WHRN: variants seen among roughly 807,000 people sequenced by gnomAD.
WHRN encodes the protein CASK-interacting protein CIP98.
In WHRN, 41 loss-of-function variants were observed where a neutral mutation model predicts 68.3. The ratio of observed to expected loss-of-function variants is 0.60; its 90% CI spans 0.47 to 0.78. WHRN has a LOEUF of 0.78. Among genes scored for constraint, WHRN ranks in the 30% least tolerant of loss-of-function variants. The pLI, the probability that WHRN is intolerant of heterozygous loss-of-function variation, is 0.00. For missense variants in WHRN, 1,243 were observed against 1,244.7 expected (o/e 1.00, Z 0.02); for synonymous variants, 560 against 561.3 (o/e 1.00, Z 0.03).
intron 4 of WHRN, chr9:114,425,630 C>CACACACACACACAG (rs752151116): frequency 2.1e-4 from 48 of 232,734 alleles, no homozygotes; most frequent in Middle Eastern, 1.6e-3. Context: ...CACACACACA[C>CACACACACACACAG]AGAGAGACAC....
chr9:114,433,910 G>A (rs1169436776), intron 3 of WHRN, among the ~76,000 whole-genome samples: 1 of 152,166 alleles, frequency 6.6e-6, no homozygotes, highest in East Asian at 1.9e-4. Context: ...TTCTGACATT[G>A]GCAGATCCGT....
intron 1 of WHRN, among the ~76,000 whole-genome samples, chr9:114,487,181 A>G (rs1367994046): frequency 7.1e-6 from 1 of 140,280 alleles, no homozygotes; most frequent in Non-Finnish European, 1.5e-5. Flanking sequence ...AGAGATACCA[A>G]AAAAAAATTT....
intron 3 of WHRN, among the ~76,000 whole-genome samples, chr9:114,439,132 A>C (rs1444284031): frequency 6.6e-6 from 1 of 152,228 alleles, no homozygotes; most frequent in Non-Finnish European, 1.5e-5. Context: ...GGTTGCCTTT[A>C]AGGAGCAGGT....
At position 114,426,222 on chromosome 9, in the gene WHRN, C is replaced by T. The variant is rs758965209; in HGVS notation, c.1155G>A (p.Ala385=). 9.3e-6 allele frequency: 15 copies of T among 1,612,152 alleles called. No homozygotes were observed. The highest frequency in any genetic ancestry group is 8.9e-5 in the East Asian group (4 of 44,894). ...IASSRIRETM[A]NSAGFLGDLT... ...CAGAGTGGCCAGACCCTGCCGAGTTCGCCATGGTCTCCCTGATCCGGGAAC... is the reference window on the plus strand; with the variant it reads ...CAGAGTGGCCAGACCCTGCCGAGTTTGCCATGGTCTCCCTGATCCGGGAAC... Residue 385 remains alanine (A), a synonymous_variant, in exon 4 of 12, where the codon GCG becomes GCA. Coordinates refer to ENST00000362057, the MANE Select transcript of WHRN (RefSeq NM_015404.4).
chr9:114,487,951 A>G (rs1842678656), intron 1 of WHRN, among the ~76,000 whole-genome samples: 1 of 152,206 alleles, frequency 6.6e-6, no homozygotes, highest in Non-Finnish European at 1.5e-5. Context: ...GTTTAGGCAG[A>G]TCTTGGCTCT....
intron 1 of WHRN, among the ~76,000 whole-genome samples, chr9:114,497,050 T>C (rs559096570): frequency 6.6e-6 from 1 of 152,328 alleles, no homozygotes; most frequent in African/African-American, 2.4e-5. Context: ...TGTTAATTCC[T>C]AAGCAAGCTA....
chr9:114,449,009 T>C (rs531854733), intron 3 of WHRN, among the ~76,000 whole-genome samples: 3 of 152,318 alleles, frequency 2.0e-5, no homozygotes, highest in South Asian at 4.1e-4. Flanking sequence ...TCTGTATGCA[T>C]GGTCAAGTGC....
intron 3 of WHRN, among the ~76,000 whole-genome samples, chr9:114,432,509 T>A (rs1353015424): frequency 6.6e-6 from 1 of 152,192 alleles, no homozygotes; most frequent in African/African-American, 2.4e-5. Flanking sequence ...CCAGTGGCCA[T>A]CTGGTGTGTG....
intron 3 of WHRN, among the ~76,000 whole-genome samples, chr9:114,460,572 C>G (rs989278205): frequency 4.6e-5 from 7 of 152,100 alleles, no homozygotes; most frequent in Admixed American, 4.6e-4. Context: ...ATAAGAGATC[C>G]GAAGATAAAC....
intron 3 of WHRN, among the ~76,000 whole-genome samples, chr9:114,429,417 T>C (rs541692208): frequency 6.2e-4 from 95 of 152,340 alleles, no homozygotes; most frequent in Middle Eastern, 3.4e-3. Context: ...AAACCCACAA[T>C]AGCTTTTGTG....
intron 7 of WHRN, 108 bp from the exon 8 acceptor site, chr9:114,408,126 G>A (rs754094237): frequency 1.0e-5 from 9 of 863,730 alleles, no homozygotes; most frequent in Non-Finnish European, 1.5e-5. Context: ...CCTCCATGTG[G>A]TTCATGTGAG....
chr9:114,493,886 G>A (rs191794088), intron 1 of WHRN, among the ~76,000 whole-genome samples: 4 of 152,332 alleles, frequency 2.6e-5, no homozygotes, highest in Admixed American at 1.3e-4. Flanking sequence ...GGGAGGAAAC[G>A]CACATTTACT....
At chr9:114,433,615 G>A (rs1374859924) in intron 3 of WHRN, among the ~76,000 whole-genome samples, 2 of 152,054 alleles carry the variant, frequency 1.3e-5, no homozygotes, top group African/African-American at 4.8e-5. Flanking sequence ...TTCATTACAA[G>A]TAAGCAATAC....
intron 1 of WHRN, among the ~76,000 whole-genome samples, chr9:114,499,655 C>G (rs1344226905): frequency 6.6e-6 from 1 of 152,240 alleles, no homozygotes; most frequent in African/African-American, 2.4e-5. Flanking sequence ...ACATGTGATT[C>G]AAGCTTGAGC....
At chr9:114,468,776 C>T (rs1265002556) in intron 2 of WHRN, among the ~76,000 whole-genome samples, 3 of 152,118 alleles carry the variant, frequency 2.0e-5, no homozygotes, top group South Asian at 2.1e-4. Context: ...GCAGGCTCTG[C>T]GGACACTTGG....
intron 2 of WHRN, among the ~76,000 whole-genome samples, chr9:114,471,082 G>T (rs1282557481): frequency 6.6e-6 from 1 of 152,138 alleles, no homozygotes; most frequent in Non-Finnish European, 1.5e-5. Context: ...AGGGTAATCT[G>T]CCTCTATCAC....
intron 3 of WHRN, among the ~76,000 whole-genome samples, chr9:114,453,599 G>A (rs1463426021): frequency 1.3e-5 from 2 of 151,894 alleles, no homozygotes; most frequent in African/African-American, 4.8e-5. Context: ...CACATAATAA[G>A]GGCACCTTAC....
Position 114,460,673 on chromosome 9 carries a change from C to T in WHRN, c.963+5594G>A, listed in dbSNP as rs547804837. Among the ~76,000 whole-genome samples the T allele has an allele frequency of 3.9e-5, 6 of 151,946 alleles. No individual in the cohort carries two copies. The East Asian group carries it at 1.2e-3, about 29-fold the overall frequency. On this transcript the variant is annotated intron_variant, in intron 3 of 11. Coordinates refer to ENST00000362057, the MANE Select transcript of WHRN (RefSeq NM_015404.4). ...GGGCAAATGCTGAGAACCTGCCTGA[C>T]CCCCCAAGTGCTTCTCCACTTAGGG...
chr9:114,492,671 T>C (rs1233560260), intron 1 of WHRN, among the ~76,000 whole-genome samples: 2 of 152,176 alleles, frequency 1.3e-5, no homozygotes, highest in Admixed American at 1.3e-4. Flanking sequence ...TTGGCGTTTT[T>C]CTGAAGTTTT....
Sources: gnomAD v4.1 joint callset for allele counts (sites outside exome capture counted in the v4.1 genomes callset) on GRCh38, gnomAD v4.1.1 for gene constraint, MANE v1.5 for transcripts, NCBI Gene and HGNC (gene_info 2026-07-23, HGNC 2026-07-21) for gene names.